The following BBS9 variants were observed in gnomAD, a reference collection of about 807,000 sequenced individuals.
BBS9 encodes Bardet-Biedl syndrome 9, also known as protein PTHB1.
In BBS9, 89 loss-of-function variants were observed where a neutral mutation model predicts 117.7. The ratio of observed to expected loss-of-function variants is 0.76; its 90% CI spans 0.64 to 0.90. The LOEUF is 0.90. Among genes scored for constraint, BBS9 ranks in the 40% least tolerant of loss-of-function variants. The probability of loss-of-function intolerance (pLI) is 0.00; values close to 1 mark genes in which losing one functional copy is unlikely to be tolerated. For synonymous variants in BBS9, 379 were observed against 370.9 expected (o/e 1.02, Z -0.25); for missense variants, 982 against 1,042.2 (o/e 0.94, Z 0.80).
chr7:33,264,372 G>A lies in BBS9; in HGVS notation c.700G>A (p.Val234Ile), dbSNP rs373380343. The A allele has an allele frequency of 1.7e-5, 26 of 1,567,848 alleles. No individual in the cohort carries two copies. The highest frequency in any genetic ancestry group is 2.0e-5 in the Non-Finnish European group (23 of 1,151,740). Residue 234 changes from valine (V) to isoleucine (I), a missense_variant and splice_region_variant, in exon 7 of 23, where the codon GTT (valine) becomes ATT (isoleucine). Coordinates refer to ENST00000242067, the MANE Select transcript of BBS9 (RefSeq NM_198428.3). ...AAAACTTGGTTCTGGAAAAAGACTA[G>A]TTGTAAGGCCTTTTTTTAATATATA... ...QQKLGSGKRL[V>I]VDWTLNIGEQ... is the part of the protein sequence containing the mutation.
chr7:33,590,676 G>A (rs1263444721), intron 21 of BBS9, among the ~76,000 whole-genome samples: 1 of 151,708 alleles, frequency 6.6e-6, no homozygotes, highest in African/African-American at 2.4e-5. Flanking sequence ...TGCTGATGCT[G>A]TAAATGCTTA....
At chr7:33,368,144 T>A (rs925577407) in intron 17 of BBS9, among the ~76,000 whole-genome samples, 2 of 152,164 alleles carry the variant, frequency 1.3e-5, no homozygotes, top group Non-Finnish European at 1.5e-5. Flanking sequence ...GTATGTAATT[T>A]TTGTCTTGGA....
chr7:33,171,216 A>G (rs1473604138), intron 4 of BBS9, among the ~76,000 whole-genome samples: 1 of 152,170 alleles, frequency 6.6e-6, no homozygotes, highest in Non-Finnish European at 1.5e-5. Context: ...CTACAAGGCT[A>G]CAGTAACCAA....
chr7:33,401,892 T>C (rs1828978608), intron 19 of BBS9, among the ~76,000 whole-genome samples: 2 of 152,172 alleles, frequency 1.3e-5, no homozygotes, highest in Admixed American at 1.3e-4. Flanking sequence ...AGAAACATAT[T>C]TGGGGTAAAA....
chr7:33,373,737 C>T (rs1823290988), intron 17 of BBS9, among the ~76,000 whole-genome samples: 1 of 152,098 alleles, frequency 6.6e-6, no homozygotes, highest in African/African-American at 2.4e-5. Flanking sequence ...AGATTTTTAA[C>T]ATGCTAGGAA....
chr7:33,518,866 T>A (rs1247120922), intron 20 of BBS9, among the ~76,000 whole-genome samples: 2 of 152,218 alleles, frequency 1.3e-5, no homozygotes, highest in Non-Finnish European at 2.9e-5. Flanking sequence ...TAACATTGAA[T>A]GATGTGCAGC....
intron 2 of BBS9, among the ~76,000 whole-genome samples, chr7:33,148,342 G>C (rs1230830869): frequency 6.6e-6 from 1 of 152,098 alleles, no homozygotes; most frequent in Non-Finnish European, 1.5e-5. Flanking sequence ...GGGAAGTGTG[G>C]GAAGAGTAGT....
At chr7:33,302,329 G>T (rs1458643999) in intron 9 of BBS9, among the ~76,000 whole-genome samples, 1 of 152,050 alleles carries the variant, frequency 6.6e-6, no homozygotes, top group Admixed American at 6.6e-5. Context: ...TGTTTGTGGG[G>T]TATTACTCAA....
chr7:33,254,004 CA>C (rs1291180580), intron 5 of BBS9, among the ~76,000 whole-genome samples: 1 of 151,474 alleles, frequency 6.6e-6, no homozygotes, highest in African/African-American at 2.4e-5. Flanking sequence ...TTCTTTTTTG[CA>C]AAAAAAGAGC....
At chr7:33,258,829 G>A (rs1033770404) in intron 6 of BBS9, among the ~76,000 whole-genome samples, 2 of 152,226 alleles carry the variant, frequency 1.3e-5, no homozygotes, top group Non-Finnish European at 2.9e-5. Flanking sequence ...ATTGGATAGA[G>A]AAGTAATGTG....
chr7:33,266,737 A>ATATTTATT (rs544823483), intron 7 of BBS9, among the ~76,000 whole-genome samples: 1 of 151,476 alleles, frequency 6.6e-6, no homozygotes, highest in African/African-American at 2.4e-5. Flanking sequence ...ATCTATATCT[A>ATATTTATT]TATTTATTTA....
chr7:33,357,790 T>C (rs1195751678), intron 15 of BBS9, 65 bp from the exon 16 acceptor site: 2 of 1,527,452 alleles, frequency 1.3e-6, no homozygotes, highest in Non-Finnish European at 1.8e-6. Context: ...CTATTAGTAG[T>C]ACAATTTTTT....
intron 1 of BBS9, among the ~76,000 whole-genome samples, chr7:33,137,198 C>T (rs1790628445): frequency 6.6e-6 from 1 of 152,132 alleles, no homozygotes; most frequent in Non-Finnish European, 1.5e-5. Context: ...ACACACCTGG[C>T]CGGGTTGCGA....
chr7:33,506,640 A>T (rs902001260), intron 20 of BBS9, among the ~76,000 whole-genome samples: 6 of 152,174 alleles, frequency 3.9e-5, no homozygotes, highest in Non-Finnish European at 8.8e-5. Flanking sequence ...GAACAGGATC[A>T]TGAATGTAAT....
At chr7:33,341,181 AAAG>A (rs1816466464) in intron 11 of BBS9, among the ~76,000 whole-genome samples, 2 of 152,314 alleles carry the variant, frequency 1.3e-5, no homozygotes, top group East Asian at 3.9e-4. Flanking sequence ...TCTGTTTTAA[AAAG>A]AAGTGGGGTT....
downstream of BBS9, among the ~76,000 whole-genome samples, chr7:33,609,643 G>T (rs558222603): frequency 1.3e-5 from 2 of 152,064 alleles, no homozygotes; most frequent in South Asian, 2.1e-4. Flanking sequence ...GCTTTTACAT[G>T]TCTGATGGTC....
intron 19 of BBS9, among the ~76,000 whole-genome samples, chr7:33,470,832 G>A (rs1291273823): frequency 6.6e-6 from 1 of 152,176 alleles, no homozygotes; most frequent in Non-Finnish European, 1.5e-5. Flanking sequence ...TGGACATCCT[G>A]AAGGACACTC....
At chr7:33,485,133 G>A (rs1245733565) in intron 19 of BBS9, among the ~76,000 whole-genome samples, 1 of 152,054 alleles carries the variant, frequency 6.6e-6, no homozygotes, top group Non-Finnish European at 1.5e-5. Flanking sequence ...AACACACACT[G>A]GGACCTGTCG....
At chr7:33,336,329 A>G (rs1815343841) in intron 9 of BBS9, 112 bp from the exon 10 acceptor site, 1 of 746,336 alleles carries the variant, frequency 1.3e-6, no homozygotes, top group Admixed American at 2.2e-5. Context: ...AAATAGATAT[A>G]TAGTTATTTT....
Sources: gnomAD v4.1 joint callset for allele counts (sites outside exome capture counted in the v4.1 genomes callset) on GRCh38, gnomAD v4.1.1 for gene constraint, MANE v1.5 for transcripts, NCBI Gene and HGNC (gene_info 2026-07-23, HGNC 2026-07-21) for gene names.